Variants in CDH13 observed in about 807,000 individuals in gnomAD.
CDH13 encodes the protein cadherin-13.
Under a neutral mutation model 63.8 loss-of-function variants are expected in CDH13, and 24 were observed. The ratio of observed to expected loss-of-function variants is 0.38; its 90% confidence interval spans 0.27 to 0.53. CDH13 has a LOEUF of 0.53. Ranked by LOEUF, CDH13 falls within the 20% of genes least tolerant of loss-of-function variation. CDH13 has a pLI of 0.85. For missense variants in CDH13, 1,049 were observed against 903.1 expected, an observed-to-expected ratio of 1.16 and a Z score of -2.07; for synonymous variants, 503 against 355.3, an observed-to-expected ratio of 1.42 and a Z score of -4.67.
intron 7 of CDH13, among the ~76,000 whole-genome samples, chr16:83,582,587 G>C (rs1204464889): frequency 6.6e-6 from 1 of 152,172 alleles, no homozygotes; most frequent in East Asian, 1.9e-4. Flanking sequence ...CTGCCCATAA[G>C]GGTTGTTAGG....
intron 4 of CDH13, among the ~76,000 whole-genome samples, chr16:83,133,341 C>T (rs1317125603): frequency 1.3e-5 from 2 of 152,134 alleles, no homozygotes; most frequent in Non-Finnish European, 2.9e-5. Flanking sequence ...CCTTAATAAT[C>T]TTTGTATTGA....
intron 7 of CDH13, among the ~76,000 whole-genome samples, chr16:83,568,066 G>C (rs538381187): frequency 3.9e-5 from 6 of 152,186 alleles, no homozygotes; most frequent in African/African-American, 1.4e-4. Context: ...CGCACCAACT[G>C]TCCGGTTAGC....
At position 82,762,288 on chromosome 16, in the gene CDH13, C is replaced by T. The variant is rs754618657; in HGVS notation, c.46-96074C>T. Among the ~76,000 whole-genome samples, 9 of 152,100 alleles carry T rather than the reference C, an allele frequency of 5.9e-5. 1 individual carries two copies. Among genetic ancestry groups the T allele is most frequent in the African/African-American group, 9.7e-5 (4 of 41,410 alleles). On this transcript the variant is annotated intron_variant, in intron 1 of 13. Transcript: ENST00000567109. ...CTGAGGATTTTTAAGACTTCTGTGCCGTTAGAATTGATTACTTCTAAATTG... is the reference window on the plus strand; with the variant it reads ...CTGAGGATTTTTAAGACTTCTGTGCTGTTAGAATTGATTACTTCTAAATTG...
intron 1 of CDH13, among the ~76,000 whole-genome samples, chr16:82,718,335 A>G (rs1396114293): frequency 6.6e-6 from 1 of 152,194 alleles, no homozygotes; most frequent in Non-Finnish European, 1.5e-5. Context: ...CCCAGTAAGC[A>G]GCCTCTGTAG....
intron 6 of CDH13, among the ~76,000 whole-genome samples, chr16:83,350,400 G>A (rs775205017): frequency 2.6e-5 from 4 of 152,348 alleles, no homozygotes; most frequent in South Asian, 2.1e-4. Context: ...AAAGGTGCAC[G>A]TTCTGTGTCC....
chr16:82,893,336 C>T (rs565143668), intron 2 of CDH13, among the ~76,000 whole-genome samples: 2 of 151,468 alleles, frequency 1.3e-5, no homozygotes, highest in South Asian at 4.2e-4. Context: ...TTTAATATGG[C>T]CTAAGCCATA....
intron 7 of CDH13, among the ~76,000 whole-genome samples, chr16:83,589,284 C>CG (rs1208258212): frequency 1.9e-4 from 24 of 128,180 alleles, no homozygotes; most frequent in Non-Finnish European, 3.4e-4. Context: ...CCTTTCCCCC[C>CG]CCCGGACCCC....
chr16:83,364,024 A>C (rs1455330951), intron 6 of CDH13, among the ~76,000 whole-genome samples: 1 of 152,162 alleles, frequency 6.6e-6, no homozygotes, highest in Admixed American at 6.6e-5. Context: ...CACCCCTCCA[A>C]TTTAGCTAGC....
chr16:83,384,949 G>A (rs1219368021), intron 6 of CDH13, among the ~76,000 whole-genome samples: 1 of 152,104 alleles, frequency 6.6e-6, no homozygotes, highest in South Asian at 2.1e-4. Flanking sequence ...GTATTTTAAG[G>A]CACCAATGTA....
chr16:83,768,679 G>A (rs1223987628), intron 11 of CDH13, among the ~76,000 whole-genome samples: 1 of 152,126 alleles, frequency 6.6e-6, no homozygotes, highest in African/African-American at 2.4e-5. Flanking sequence ...CTAAACAAAG[G>A]GTGAATTATT....
chr16:83,171,933 A>G (rs1163668614), intron 4 of CDH13, among the ~76,000 whole-genome samples: 1 of 152,094 alleles, frequency 6.6e-6, no homozygotes, highest in Non-Finnish European at 1.5e-5. Flanking sequence ...ATTTATTGTC[A>G]TCCTGCATGG....
At chr16:82,865,866 TC>T (rs1408207732) in intron 2 of CDH13, among the ~76,000 whole-genome samples, 1 of 152,214 alleles carries the variant, frequency 6.6e-6, no homozygotes, top group African/African-American at 2.4e-5. Context: ...ATGCTGTGCT[TC>T]CCTTTTAAAT....
intron 6 of CDH13, among the ~76,000 whole-genome samples, chr16:83,449,748 A>C (rs1184005371): frequency 6.6e-6 from 1 of 152,192 alleles, no homozygotes; most frequent in South Asian, 2.1e-4. Context: ...CATCTTGGAC[A>C]AATCCTTTAT....
At chr16:83,332,153 G>A (rs1354902036) in intron 5 of CDH13, among the ~76,000 whole-genome samples, 1 of 151,870 alleles carries the variant, frequency 6.6e-6, no homozygotes, top group Non-Finnish European at 1.5e-5. Flanking sequence ...ATAAATATAT[G>A]TGATGCAAAT....
intron 13 of CDH13, 149 bp downstream of exon 13, chr16:83,783,621 G>C: frequency 1.4e-6 from 1 of 732,118 alleles, no homozygotes; most frequent in Non-Finnish European, 2.4e-6. Context: ...GATAGAACAT[G>C]TTATATGTAA....
chr16:83,542,403 C>T (rs533073643), intron 7 of CDH13, among the ~76,000 whole-genome samples: 1 of 152,346 alleles, frequency 6.6e-6, no homozygotes, highest in Admixed American at 6.5e-5. Context: ...CGTATCACAA[C>T]ACAGATTGCT....
chr16:82,915,259 C>T (rs538716603), intron 2 of CDH13, among the ~76,000 whole-genome samples: 12 of 152,256 alleles, frequency 7.9e-5, no homozygotes, highest in African/African-American at 1.2e-4. Context: ...TTTAATATCG[C>T]AAGAGTCTAA....
rs1053298071 is a variant in CDH13 at position 83,745,295 on chromosome 16, C to T, written c.1539-2813C>T. 2.2e-4 allele frequency among the ~76,000 whole-genome samples: 34 copies of T among 152,226 alleles called. 1 individual carries two copies. Among genetic ancestry groups the T allele is most frequent in the African/African-American group, 8.2e-4 (34 of 41,454 alleles). The stretch of plus-strand genomic sequence containing the variant: ...CCTTCTGCAGTTTGGGGGTCTGGTA[C>T]ATCCACTTTGCAGGACAAAAACTTG... On this transcript the variant is annotated intron_variant, in intron 10 of 13. Coordinates refer to ENST00000567109, the MANE Select transcript of CDH13 (RefSeq NM_001257.5).
intron 6 of CDH13, among the ~76,000 whole-genome samples, chr16:83,465,131 T>G (rs1471584703): frequency 1.3e-5 from 2 of 152,212 alleles, no homozygotes; most frequent in African/African-American, 4.8e-5. Context: ...CGGGGATTCA[T>G]TAATCAACGA....
Sources: gnomAD v4.1 joint callset for allele counts (sites outside exome capture counted in the v4.1 genomes callset) on GRCh38, gnomAD v4.1.1 for gene constraint, MANE v1.5 for transcripts, NCBI Gene and HGNC (gene_info 2026-07-23, HGNC 2026-07-21) for gene names.